The following CNTNAP4 variants were observed in gnomAD, a reference collection of about 807,000 sequenced individuals.
The protein encoded by CNTNAP4 is contactin-associated protein-like 4.
CNTNAP4 carries 98 observed loss-of-function variants against 148.4 expected under a neutral mutation model. That is an observed-to-expected ratio of 0.66 (90% CI 0.56 to 0.78). The LOEUF (loss-of-function observed/expected upper bound fraction) is 0.78. Among genes scored for constraint, CNTNAP4 ranks in the 30% least tolerant of loss-of-function variants. The pLI is 0.00. For missense variants in CNTNAP4, 1,935 were observed against 1,565.6 expected (o/e 1.24, Z -3.98); for synonymous variants, 730 against 565.1 (o/e 1.29, Z -4.14).
chr16:76,325,485 GA>G lies in CNTNAP4; in HGVS notation c.196+8965del, dbSNP rs1444822606. 5.3e-5 allele frequency among the ~76,000 whole-genome samples: 8 copies of G among 152,208 alleles called. No homozygotes were observed. The East Asian group carries it at 1.5e-3, about 29-fold the overall frequency. Reference sequence around the variant, plus strand: ...CCCTAGCTATAGTGGAATTCAGCTAGAAATCATTAATTAGAGAATACTTGAA... The same window carrying G: ...CCCTAGCTATAGTGGAATTCAGCTAGAATCATTAATTAGAGAATACTTGAA... On this transcript the variant is annotated intron_variant, in intron 2 of 23. Coordinates refer to ENST00000611870, the MANE Select transcript of CNTNAP4 (RefSeq NM_033401.5).
chr16:76,283,531 C>T (rs905003003), intron 1 of CNTNAP4, among the ~76,000 whole-genome samples: 2 of 151,954 alleles, frequency 1.3e-5, no homozygotes, highest in African/African-American at 4.8e-5. Flanking sequence ...TGCTGGAGAC[C>T]ACTATTCTTG....
intron 4 of CNTNAP4, among the ~76,000 whole-genome samples, chr16:76,436,024 C>G (rs963067077): frequency 4.1e-4 from 63 of 152,112 alleles, no homozygotes; most frequent in African/African-American, 1.5e-3. Context: ...ATGGGTCACA[C>G]TCTGAATGTC....
chr16:76,306,653 C>A (rs1960509162), intron 1 of CNTNAP4, among the ~76,000 whole-genome samples: 2 of 152,170 alleles, frequency 1.3e-5, no homozygotes, highest in Non-Finnish European at 1.5e-5. Flanking sequence ...GATTTTGTTT[C>A]CACAATTCCA....
At chr16:76,533,575 T>G (rs2084081186) in intron 17 of CNTNAP4, among the ~76,000 whole-genome samples, 1 of 152,164 alleles carries the variant, frequency 6.6e-6, no homozygotes, top group Non-Finnish European at 1.5e-5. Flanking sequence ...CACAACATTA[T>G]GTACCCCATA....
intron 1 of CNTNAP4, among the ~76,000 whole-genome samples, chr16:76,315,691 T>G (rs1961653364): frequency 6.6e-6 from 1 of 152,086 alleles, no homozygotes; most frequent in African/African-American, 2.4e-5. Context: ...GCCTCTCAGG[T>G]TAAAGCGATT....
chr16:76,418,402 TA>T (rs1357215051), intron 3 of CNTNAP4, among the ~76,000 whole-genome samples: 88 of 123,270 alleles, frequency 7.1e-4, no homozygotes, highest in African/African-American at 2.2e-3. Flanking sequence ...TTTATATATA[TA>T]TATTTTTATT....
rs1318188034 is a variant in CNTNAP4 at position 76,397,964 on chromosome 16, A to G, written c.391-29488A>G. Among the ~76,000 whole-genome samples the G allele has an allele frequency of 6.6e-3, 285 of 43,364 alleles. 9 individuals are homozygous for G. Among genetic ancestry groups the G allele is most frequent in the African/African-American group, 0.019 (170 of 9,152 alleles). The allele number at this position is 43,364 out of a possible 152,430, so 28.4% of individuals were successfully genotyped here. A position where few individuals can be genotyped will look rare whatever the true frequency, so the allele number is the denominator to read the frequency against. ...TATATACATATATATATATATATAT[A>G]TATATATATATATATATATATATAT... On this transcript the variant is annotated intron_variant, in intron 3 of 23. Transcript: ENST00000611870.
At chr16:76,470,917 A>G (rs2081346829) in intron 10 of CNTNAP4, among the ~76,000 whole-genome samples, 2 of 152,028 alleles carry the variant, frequency 1.3e-5, no homozygotes, top group Non-Finnish European at 2.9e-5. Context: ...GCTCATTCAC[A>G]TAGTCCAAAG....
intron 15 of CNTNAP4, among the ~76,000 whole-genome samples, chr16:76,502,292 G>A (rs533969020): frequency 1.3e-5 from 2 of 152,084 alleles, no homozygotes; most frequent in African/African-American, 2.4e-5. Flanking sequence ...AGTTGGATGA[G>A]CAGTGGCTTC....
At chr16:76,384,878 G>T (rs1239196606) in intron 3 of CNTNAP4, among the ~76,000 whole-genome samples, 1 of 152,040 alleles carries the variant, frequency 6.6e-6, no homozygotes, top group Non-Finnish European at 1.5e-5. Context: ...TAGAAAGTAA[G>T]AACAACAGGG....
At chr16:76,476,089 C>T in intron 11 of CNTNAP4, 44 bp downstream of exon 11, 1 of 1,355,162 alleles carries the variant, frequency 7.4e-7, no homozygotes, top group Non-Finnish European at 1.1e-6. Flanking sequence ...GTGATGGTTT[C>T]TTTGTCCCAT....
chr16:76,463,695 A>G (rs1350980416), intron 9 of CNTNAP4, among the ~76,000 whole-genome samples: 30 of 152,166 alleles, frequency 2.0e-4, no homozygotes, highest in Admixed American at 2.0e-3. Flanking sequence ...TTTCTTAAGT[A>G]TACACCTACC....
chr16:76,512,139 C>G (rs897744830), intron 15 of CNTNAP4, among the ~76,000 whole-genome samples: 5 of 152,012 alleles, frequency 3.3e-5, no homozygotes, highest in Admixed American at 6.6e-5. Flanking sequence ...GTGTTTGGAG[C>G]AGAGTGGGCA....
chr16:76,282,124 C>A (rs964159185), intron 1 of CNTNAP4, among the ~76,000 whole-genome samples: 2 of 151,794 alleles, frequency 1.3e-5, no homozygotes, highest in Non-Finnish European at 2.9e-5. Context: ...AATTATTTAG[C>A]ACACAAATAT....
chr16:76,460,773 A>AAAAAATAT, intron 8 of CNTNAP4, among the ~76,000 whole-genome samples: 9 of 57,328 alleles, frequency 1.6e-4, no homozygotes, highest in African/African-American at 5.8e-4. Flanking sequence ...AAAAAAAAAA[A>AAAAAATAT]ATATATATAT....
chr16:76,417,334 C>T (rs566625806), intron 3 of CNTNAP4, among the ~76,000 whole-genome samples: 1 of 151,032 alleles, frequency 6.6e-6, no homozygotes, highest in Admixed American at 6.6e-5. Flanking sequence ...TTTTATGATT[C>T]TATTTTATCT....
At chr16:76,378,254 T>A (rs12923173) in intron 3 of CNTNAP4, among the ~76,000 whole-genome samples, 61,150 of 151,870 alleles carry the variant, frequency 0.4, 12,557 homozygotes, top group Non-Finnish European at 0.43. Context: ...ATGTAACAAT[T>A]TTCAGTTATA....
intron 2 of CNTNAP4, among the ~76,000 whole-genome samples, chr16:76,337,477 G>T (rs898304966): frequency 2.6e-5 from 4 of 152,178 alleles, no homozygotes; most frequent in African/African-American, 9.7e-5. Flanking sequence ...GGGGAGGGGT[G>T]TACGAATAGG....
chr16:76,448,802 A>C lies in CNTNAP4; in HGVS notation c.778A>C (p.Asn260His). ...AKLPSTSTLV[N>H]LTLGSLLDDQ... ...ACTGCCTTCCACTTCCACCCTGGTC[A>C]ATCTCACCCTGGGCAGCCTGCTAGA... Residue 260 changes from asparagine to histidine, a missense_variant, in exon 6 of 24, where the codon AAT becomes CAT. By Grantham distance (68) the Asn-to-His change is moderately conservative (BLOSUM62 1). Coordinates refer to ENST00000611870, the MANE Select transcript of CNTNAP4 (RefSeq NM_033401.5). 6.2e-7 allele frequency: 1 copy of C among 1,611,096 alleles called. No individual in the cohort carries two copies. Among genetic ancestry groups the C allele is most frequent in the Non-Finnish European group, 8.5e-7 (1 of 1,178,800 alleles).
Sources: gnomAD v4.1 joint callset for allele counts (sites outside exome capture counted in the v4.1 genomes callset) on GRCh38, gnomAD v4.1.1 for gene constraint, MANE v1.5 for transcripts, NCBI Gene and HGNC (gene_info 2026-07-23, HGNC 2026-07-21) for gene names.